CENPQ: variants seen among roughly 807,000 people sequenced by gnomAD.
The protein encoded by CENPQ is centromere protein Q.
A neutral mutation model predicts 36.6 loss-of-function variants in CENPQ; 27 were observed. The ratio of observed to expected loss-of-function variants is 0.74; its 90% confidence interval spans 0.54 to 1.02. The LOEUF (loss-of-function observed/expected upper bound fraction) is 1.02. Ranked by LOEUF, CENPQ falls within the 50% of genes least tolerant of loss-of-function variation. The pLI is 0.00. For missense variants in CENPQ, 306 were observed against 301.8 expected (o/e 1.01, Z -0.10); for synonymous variants, 101 against 101.7 (o/e 0.99, Z 0.04).
chr6:49,487,454 T>TAAAAAAAAA (rs759527083), intron 6 of CENPQ, among the ~76,000 whole-genome samples: 15 of 93,274 alleles, frequency 1.6e-4, no homozygotes, highest in South Asian at 3.9e-4. Context: ...TACCCTTTCT[T>TAAAAAAAAA]AAAAAAAAAA....
chr6:49,471,037 T>C lies in CENPQ; in HGVS notation c.157+9T>C, dbSNP rs1189118517. On this transcript the variant is annotated intron_variant, in intron 3 of 8. Transcript: ENST00000335783. Reference sequence around the variant, plus strand: ...AGATCTGTCTTCTGAAGGTATTTCTTTTCTATTACCTTGTTTAACCTGCTT... The same window carrying C: ...AGATCTGTCTTCTGAAGGTATTTCTCTTCTATTACCTTGTTTAACCTGCTT... 1 of 1,482,614 alleles carries C rather than the reference T, an allele frequency of 6.7e-7. No homozygotes were observed. Among genetic ancestry groups the C allele is most frequent in the Non-Finnish European group, 9.1e-7 (1 of 1,097,154 alleles). 91.8% of individuals were successfully genotyped at this position (1,482,614 alleles called of 1,614,324 possible).
chr6:49,470,058 T>C (rs1365004401), intron 1 of CENPQ, 101 bp from the exon 2 acceptor site: 7 of 535,536 alleles, frequency 1.3e-5, no homozygotes, highest in African/African-American at 8.1e-5. Flanking sequence ...AAAAAGAGAA[T>C]GTGGAACATT....
At chr6:49,492,051 C>T (rs1768733000) in intron 8 of CENPQ, 93 bp from the exon 9 acceptor site, 1 of 967,586 alleles carries the variant, frequency 1.0e-6, no homozygotes, top group Admixed American at 2.8e-5. Flanking sequence ...ATGATAGATA[C>T]TTAAGGTTTA....
intron 4 of CENPQ, among the ~76,000 whole-genome samples, chr6:49,472,528 C>T (rs565275398): frequency 6.6e-6 from 1 of 152,270 alleles, no homozygotes; most frequent in African/African-American, 2.4e-5. Flanking sequence ...GAAAATAAGA[C>T]AGAATTCTGC....
chr6:49,470,324 C>G (rs1288995052), intron 2 of CENPQ, 46 bp downstream of exon 2: 8 of 1,256,020 alleles, frequency 6.4e-6, no homozygotes, highest in Non-Finnish European at 9.1e-6. Flanking sequence ...TCAACTGTGG[C>G]CAAGCACTAT....
At chr6:49,482,859 C>T (rs1042692443) in intron 6 of CENPQ, among the ~76,000 whole-genome samples, 7 of 152,216 alleles carry the variant, frequency 4.6e-5, no homozygotes, top group African/African-American at 7.2e-5. Flanking sequence ...CCAGTGGGTT[C>T]GTGGTCTCGC....
intron 1 of CENPQ, among the ~76,000 whole-genome samples, chr6:49,466,930 T>C (rs1240102351): frequency 6.6e-6 from 1 of 152,224 alleles, no homozygotes; most frequent in African/African-American, 2.4e-5. Context: ...ACCATTATGG[T>C]AGTGTTCTCA....
chr6:49,483,645 A>C (rs1768507446), intron 6 of CENPQ, among the ~76,000 whole-genome samples: 1 of 152,214 alleles, frequency 6.6e-6, no homozygotes, highest in Non-Finnish European at 1.5e-5. Context: ...CACCCTCCAC[A>C]GCCGCTGGCT....
At chr6:49,471,051 T>C (rs775700731) in intron 3 of CENPQ, 23 bp downstream of exon 3, 1 of 1,381,086 alleles carries the variant, frequency 7.2e-7, no homozygotes, top group Non-Finnish European at 9.8e-7. Context: ...TATTACCTTG[T>C]TTAACCTGCT....
At chr6:49,473,913 A>G (rs2127424655) in intron 5 of CENPQ, among the ~76,000 whole-genome samples, 1 of 152,354 alleles carries the variant, frequency 6.6e-6, no homozygotes, top group East Asian at 1.9e-4. Flanking sequence ...AGATCAAAAG[A>G]GACAAAGAAG....
chr6:49,474,503 G>A (rs535810573), intron 5 of CENPQ, among the ~76,000 whole-genome samples: 18 of 152,220 alleles, frequency 1.2e-4, no homozygotes, highest in Middle Eastern at 3.4e-3. Flanking sequence ...GAATCTCTGC[G>A]ACACATTTAA....
intron 6 of CENPQ, among the ~76,000 whole-genome samples, chr6:49,484,907 A>G (rs1768540319): frequency 6.6e-6 from 1 of 152,082 alleles, no homozygotes; most frequent in South Asian, 2.1e-4. Context: ...AATCATGGAG[A>G]ATTTTAACAT....
At chr6:49,466,223 G>T (rs1395938179) in intron 1 of CENPQ, among the ~76,000 whole-genome samples, 1 of 152,132 alleles carries the variant, frequency 6.6e-6, no homozygotes, top group Non-Finnish European at 1.5e-5. Context: ...GGTTCATGGT[G>T]CCCTAAAACA....
chr6:49,485,358 T>G (rs547279201), intron 6 of CENPQ, among the ~76,000 whole-genome samples: 4 of 152,292 alleles, frequency 2.6e-5, no homozygotes, highest in Non-Finnish European at 1.5e-5. Context: ...TCTGGGAGGA[T>G]GGCATTAGAA....
intron 8 of CENPQ, among the ~76,000 whole-genome samples, chr6:49,489,062 A>G (rs1768659550): frequency 6.6e-6 from 1 of 152,186 alleles, no homozygotes; most frequent in African/African-American, 2.4e-5. Flanking sequence ...AATTTCTTAA[A>G]ATAAGAAGAC....
intron 5 of CENPQ, 30 bp from the exon 6 acceptor site, chr6:49,480,920 AC>A (rs775327077): frequency 6.7e-7 from 1 of 1,502,264 alleles, no homozygotes; most frequent in Non-Finnish European, 9.0e-7. Flanking sequence ...TCAAAAATAA[AC>A]AAAATAATTG....
chr6:49,491,352 T>C (rs1768718753), intron 8 of CENPQ, among the ~76,000 whole-genome samples: 1 of 152,188 alleles, frequency 6.6e-6, no homozygotes, highest in African/African-American at 2.4e-5. Flanking sequence ...CTGATGGAAA[T>C]ACATAATTTT....
chr6:49,487,866 C>CT (rs201546892), intron 6 of CENPQ, among the ~76,000 whole-genome samples: 1,787 of 151,644 alleles, frequency 0.012, 16 homozygotes, highest in South Asian at 0.02. Context: ...AACTGTTACT[C>CT]TTTTTTTTTA....
intron 1 of CENPQ, among the ~76,000 whole-genome samples, chr6:49,467,008 A>G (rs549883890): frequency 5.5e-4 from 84 of 152,228 alleles, no homozygotes; most frequent in African/African-American, 1.9e-3. Flanking sequence ...GGCTCTACTC[A>G]GGGGTTGGAA....
Sources: allele counts gnomAD v4.1 joint callset (sites outside exome capture counted in the v4.1 genomes callset), GRCh38; gene constraint gnomAD v4.1.1; transcripts MANE v1.5; gene names NCBI Gene and HGNC (gene_info 2026-07-23, HGNC 2026-07-21).